NOL8: variants seen among roughly 807,000 people sequenced by gnomAD.
The protein encoded by NOL8 is nucleolar protein 8.
A neutral mutation model predicts 116.1 loss-of-function variants in NOL8; 93 were observed. The ratio of observed to expected loss-of-function variants is 0.80; its 90% CI spans 0.68 to 0.95. The LOEUF (loss-of-function observed/expected upper bound fraction) is 0.95. NOL8 is among the 40% of genes least tolerant of loss of function. The pLI, the probability that NOL8 is intolerant of heterozygous loss-of-function variation, is 0.00. For synonymous variants in NOL8, 419 were observed against 469.0 expected (o/e 0.89, Z 1.38); for missense variants, 1,291 against 1,382.8 (o/e 0.93, Z 1.05).
Position 92,315,568 on chromosome 9 carries a change from C to G in NOL8, c.1057G>C (p.Gly353Arg), listed in dbSNP as rs1188070970. Residue 353 changes from glycine to arginine, a missense_variant, in exon 7 of 17, where the codon GGT becomes CGT. Coordinates refer to ENST00000442668, the MANE Select transcript of NOL8 (RefSeq NM_017948.6). ...SGVHKLHSLI[G>R]LGIKNRVSCH... is the part of the protein sequence containing the mutation. Reference sequence around the variant, plus strand: ...GAGACACGATTTTTGATACCTAAACCTATTAAAGAATGCAGTTTGTGAACG... The same window carrying G: ...GAGACACGATTTTTGATACCTAAACGTATTAAAGAATGCAGTTTGTGAACG... The G allele has an allele frequency of 1.9e-6, 3 of 1,612,700 alleles. No individual in the cohort carries two copies. The highest frequency in any genetic ancestry group is 4.5e-5 in the East Asian group (2 of 44,852).
intron 1 of NOL8, 198 bp downstream of exon 1, chr9:92,325,108 G>A (rs1041182656): frequency 1.3e-5 from 2 of 152,186 alleles, no homozygotes; most frequent in African/African-American, 2.4e-5. Flanking sequence ...AGAGCTGACA[G>A]ACTCTTTCCA....
intron 12 of NOL8, among the ~76,000 whole-genome samples, chr9:92,305,451 A>G (rs2134097559): frequency 6.6e-6 from 1 of 152,346 alleles, no homozygotes; most frequent in African/African-American, 2.4e-5. Flanking sequence ...GATTTTAAGT[A>G]ACTAAGTTTG....
Position 92,316,061 on chromosome 9 carries a change from T to A in NOL8, c.564A>T (p.Ile188=). The change falls in exon 7 of 17, where the codon ATA becomes ATT. Residue 188 remains isoleucine (I), a synonymous_variant. Coordinates refer to ENST00000442668, the MANE Select transcript of NOL8 (RefSeq NM_017948.6). ...CTTCTAATTCCCAAGTCAGGCTGGA[T>A]ATAGGAATGGTGTTTGAGAAATCCT... ...IGEDFSNTIP[I]SSLTWELEGG... 6.2e-7 allele frequency: 1 copy of A among 1,614,004 alleles called. No homozygotes were observed. The highest frequency in any genetic ancestry group is 8.5e-7 in the Non-Finnish European group (1 of 1,179,876).
Position 92,298,932 on chromosome 9 carries a change from C to G in NOL8, c.3325G>C (p.Glu1109Gln), listed in dbSNP as rs1837480776. The G allele has an allele frequency of 6.5e-7, 1 of 1,527,786 alleles. No individual in the cohort carries two copies. Among genetic ancestry groups the G allele is most frequent in the Non-Finnish European group, 8.8e-7 (1 of 1,133,086 alleles). The allele number at this position is 1,527,786 out of a possible 1,614,324, so 94.6% of individuals were successfully genotyped here. The change falls in exon 15 of 17, where the codon GAG (glutamate) becomes CAG (glutamine). Residue 1109 changes from glutamate to glutamine, a missense_variant. Transcript: ENST00000442668. ...GAGAAAAAGAAAAATCTAGTGGTCT[C>G]TTTCTCAAGTAATGATGCTTCTCTG... ...SPGEASLLEK[E>Q]TTRFFFFSKN...
intron 3 of NOL8, among the ~76,000 whole-genome samples, chr9:92,322,268 G>T (rs1839990617): frequency 6.6e-6 from 1 of 152,148 alleles, no homozygotes; most frequent in Admixed American, 6.5e-5. Flanking sequence ...GAATTACTAT[G>T]CCGTAGTAAT....
intron 1 of NOL8, chr9:92,324,779 A>G (rs1840304621): frequency 1.3e-5 from 2 of 152,276 alleles, no homozygotes; most frequent in African/African-American, 4.8e-5. Context: ...TTCAGACACA[A>G]AGATCAAGGG....
intron 13 of NOL8, chr9:92,300,689 A>G (rs1358120672): frequency 3.7e-6 from 4 of 1,088,212 alleles, no homozygotes; most frequent in Non-Finnish European, 3.4e-6. Context: ...TCTTATTTGC[A>G]ATACTTTTTG....
Position 92,315,873 on chromosome 9 carries a change from T to C in NOL8, c.752A>G (p.Gln251Arg). The C allele has an allele frequency of 6.2e-7, 1 of 1,613,934 alleles. No homozygotes were observed. The highest frequency in any genetic ancestry group is 8.5e-7 in the Non-Finnish European group (1 of 1,179,876). Residue 251 changes from glutamine to arginine, a missense_variant, in exon 7 of 17, where the codon CAA (glutamine) becomes CGA (arginine). Transcript: ENST00000442668. ...RVIERPPLTQ[Q>R]QAAQKRTCDS... is the part of the protein sequence containing the mutation. ...ACAAGTTCTTTTTTGTGCAGCCTGT[T>C]GCTGTGTTAAGGGTGGTCTCTCTAT...
At position 92,306,375 on chromosome 9, in the gene NOL8, C is replaced by T. The variant is rs181953153; in HGVS notation, c.2825+511G>A. On this transcript the variant is annotated intron_variant, in intron 11 of 16. Coordinates refer to ENST00000442668, the MANE Select transcript of NOL8 (RefSeq NM_017948.6). ...AAATGATTTTAAACATACTAAAATA[C>T]ATACAGATAAAATGATATACTATCT... Among the ~76,000 whole-genome samples the T allele has an allele frequency of 2.1e-3, 313 of 152,234 alleles. 3 individuals are homozygous for T. The highest frequency in any genetic ancestry group is 4.7e-3 in the Admixed American group (72 of 15,296).
At chr9:92,309,653 A>G (rs764024149) in intron 10 of NOL8, among the ~76,000 whole-genome samples, 3 of 152,180 alleles carry the variant, frequency 2.0e-5, no homozygotes, top group South Asian at 2.1e-4. Flanking sequence ...GAAAAATGCT[A>G]TAGTAAGTGA....
chr9:92,311,282 T>G lies in NOL8; in HGVS notation c.2359-23A>C, dbSNP rs577885188. The G allele has an allele frequency of 7.0e-5, 110 of 1,564,126 alleles. No homozygotes were observed. The South Asian group carries it at 1.2e-3, about 17-fold the overall frequency. ...ATCCTAGGGAGGCCATCGAAAGCAT[T>G]GCATCTTAAAAAGATTTATGATGAA... is the stretch of plus-strand genomic sequence containing the variant. On this transcript the variant is annotated intron_variant, in intron 7 of 16. Coordinates refer to ENST00000442668, the MANE Select transcript of NOL8 (RefSeq NM_017948.6).
intron 1 of NOL8, 103 bp from the exon 2 acceptor site, chr9:92,324,312 T>C (rs1564251322): frequency 4.3e-6 from 4 of 935,116 alleles, no homozygotes; most frequent in Non-Finnish European, 6.4e-6. Flanking sequence ...GGATCTGTAT[T>C]TCACTTCCTA....
At chr9:92,313,619 C>T (rs989492106) in intron 7 of NOL8, among the ~76,000 whole-genome samples, 2 of 152,190 alleles carry the variant, frequency 1.3e-5, no homozygotes, top group Non-Finnish European at 2.9e-5. Flanking sequence ...GTTTTAATTA[C>T]ACTGATTGAA....
chr9:92,324,191 C>T lies in NOL8; in HGVS notation c.-30G>A. 1.3e-6 allele frequency: 2 copies of T among 1,597,906 alleles called. No homozygotes were observed. The highest frequency in any genetic ancestry group is 1.7e-6 in the Non-Finnish European group (2 of 1,171,900). Reference sequence around the variant, plus strand: ...GCTGGGCATATACTTGGGTGTGTTTCAGTGGGAAAAGTAATTTTCTGTATA... The same window carrying T: ...GCTGGGCATATACTTGGGTGTGTTTTAGTGGGAAAAGTAATTTTCTGTATA... On this transcript the variant is annotated 5_prime_UTR_variant, in exon 2 of 17. Transcript: ENST00000442668.
At chr9:92,300,542 C>T in intron 13 of NOL8, 1 of 990,140 alleles carries the variant, frequency 1.0e-6, no homozygotes, top group East Asian at 1.1e-4. Context: ...TAAAAAACAT[C>T]TTTCAAGTTG....
intron 13 of NOL8, chr9:92,300,447 A>T: frequency 1.0e-6 from 1 of 988,348 alleles, no homozygotes. Flanking sequence ...TCAATACCCA[A>T]AACTTTTTGC....
chr9:92,314,477 G>A lies in NOL8; in HGVS notation c.2148C>T (p.Gly716=), dbSNP rs371063704. The part of the protein sequence containing the change: ...ASQEERSDSS[G]LTSLKKSPKV... Reference sequence around the variant, plus strand: ...TTGGTGATTTCTTGAGAGATGTGAGGCCGCTTGAATCAGACCGCTCTTCCT... The same window carrying A: ...TTGGTGATTTCTTGAGAGATGTGAGACCGCTTGAATCAGACCGCTCTTCCT... The change falls in exon 7 of 17, where the codon GGC becomes GGT. Residue 716 remains glycine (G), a synonymous_variant. Transcript: ENST00000442668. 192 of 1,612,916 alleles carry A rather than the reference G, an allele frequency of 1.2e-4. 2 individuals are homozygous for A. The East Asian group carries it at 2.5e-3, about 21-fold the overall frequency.
At chr9:92,313,040 C>T (rs547865357) in intron 7 of NOL8, among the ~76,000 whole-genome samples, 1 of 151,598 alleles carries the variant, frequency 6.6e-6, no homozygotes, top group Admixed American at 6.6e-5. Flanking sequence ...CATGTCTAAA[C>T]CTATCACTCC....
intron 12 of NOL8, among the ~76,000 whole-genome samples, chr9:92,305,326 A>G (rs1838132390): frequency 6.6e-6 from 1 of 152,174 alleles, no homozygotes; most frequent in Non-Finnish European, 1.5e-5. Flanking sequence ...GTCACTAGAA[A>G]CTAGGAGAGG....
Sources: gnomAD v4.1 joint callset for allele counts (sites outside exome capture counted in the v4.1 genomes callset) on GRCh38, gnomAD v4.1.1 for gene constraint, MANE v1.5 for transcripts, NCBI Gene and HGNC (gene_info 2026-07-23, HGNC 2026-07-21) for gene names.